Variants in ZNF426 observed in about 807,000 individuals in gnomAD.
ZNF426 encodes zinc finger protein 426.
ZNF426 carries 23 observed loss-of-function variants against 24.0 expected under a neutral mutation model. The observed-to-expected ratio is 0.96, with a 90% CI of 0.69 to 1.36. The LOEUF is 1.36. Among genes scored for constraint, ZNF426 ranks in the 40% most tolerant of loss-of-function variants. The pLI is 0.00. For synonymous variants in ZNF426, 272 were observed against 224.6 expected (o/e 1.21, Z -1.89); for missense variants, 646 against 658.4 (o/e 0.98, Z 0.21).
At chr19:9,535,157 C>T (rs756903158) in intron 4 of ZNF426, 31 bp downstream of exon 4, 1 of 1,549,354 alleles carries the variant, frequency 6.5e-7, no homozygotes, top group Non-Finnish European at 8.8e-7. Flanking sequence ...GCAAGTATGT[C>T]ACTATGTATA....
Position 9,528,278 on chromosome 19 carries a change from T to A in ZNF426, c.*102A>T. 7.9e-7 allele frequency: 1 copy of A among 1,258,974 alleles called. No homozygotes were observed. Among genetic ancestry groups the A allele is most frequent in the Non-Finnish European group, 1.1e-6 (1 of 917,646 alleles). 78.0% of individuals were successfully genotyped at this position (1,258,974 alleles called of 1,614,324 possible). On this transcript the variant is annotated 3_prime_UTR_variant, in exon 8 of 8. Transcript: ENST00000253115. ...GCTGGGATTACAGGAATTAAGTAATTTTCATGCAGCTTCTTCTCTCCAGAG... is the reference window on the plus strand; with the variant it reads ...GCTGGGATTACAGGAATTAAGTAATATTCATGCAGCTTCTTCTCTCCAGAG...
chr19:9,535,077 C>CA (rs35638085), intron 4 of ZNF426, 111 bp downstream of exon 4: 26,026 of 414,934 alleles, frequency 0.063, 395 homozygotes, highest in African/African-American at 0.14. Context: ...GACTCCCTCT[C>CA]AAAAAAAAAA....
chr19:9,536,960 C>T (rs1199579284), intron 2 of ZNF426, among the ~76,000 whole-genome samples: 1 of 151,992 alleles, frequency 6.6e-6, no homozygotes, highest in Non-Finnish European at 1.5e-5. Context: ...CGGTGAAACT[C>T]CATCTCTACT....
rs773476483 is a variant in ZNF426, at chr19:9,536,344, G to T, written c.-112C>A. On this transcript the variant is annotated 5_prime_UTR_variant, in exon 3 of 8. Coordinates refer to ENST00000253115, the MANE Select transcript of ZNF426 (RefSeq NM_024106.3). ...CAATCTCCATTCCTCTTTAAACAGG[G>T]TTATTGGGATTCCTGTTGGTATTAA... 5 of 1,603,060 alleles carry T rather than the reference G, an allele frequency of 3.1e-6. No individual in the cohort carries two copies. The East Asian group carries it at 9.0e-5, about 29-fold the overall frequency.
Position 9,527,903 on chromosome 19 carries a change from C to T in ZNF426, c.*477G>A, listed in dbSNP as rs1363321878. On this transcript the variant is annotated 3_prime_UTR_variant, in exon 8 of 8. Transcript: ENST00000253115. Reference sequence around the variant, plus strand: ...TCACATCATCTTCTATTTGTTGTCTCAGTTGTGTCTTTCTCTTCTTATAGG... The same window carrying T: ...TCACATCATCTTCTATTTGTTGTCTTAGTTGTGTCTTTCTCTTCTTATAGG... 3 of 153,344 alleles carry T rather than the reference C, an allele frequency of 2.0e-5. No individual in the cohort carries two copies. The highest frequency in any genetic ancestry group is 4.4e-5 in the Non-Finnish European group (3 of 68,952). The allele number at this position is 153,344 out of a possible 1,614,324, so 9.5% of individuals were successfully genotyped here. A position where few individuals can be genotyped will look rare whatever the true frequency, so the allele number is the denominator to read the frequency against.
At position 9,525,756 on chromosome 19, in the gene ZNF426, G is replaced by C. The variant is rs1319886340; in HGVS notation, c.*2624C>G. The C allele has an allele frequency of 6.6e-6, 1 of 151,856 alleles. No homozygotes were observed. Among genetic ancestry groups the C allele is most frequent in the Admixed American group, 6.6e-5 (1 of 15,218 alleles). The allele number at this position is 151,856 out of a possible 1,614,324, so 9.4% of individuals were successfully genotyped here. ...CCCACCTCTGCCTCCCAAAGTGCTG[G>C]GATTACAGGGTTGAGCCACTGCGCC... On this transcript the variant is annotated 3_prime_UTR_variant, in exon 8 of 8. Coordinates refer to ENST00000253115, the MANE Select transcript of ZNF426 (RefSeq NM_024106.3).
At chr19:9,537,812 G>C (rs115693055) in intron 2 of ZNF426, among the ~76,000 whole-genome samples, 3 of 151,898 alleles carry the variant, frequency 2.0e-5, no homozygotes, top group South Asian at 2.1e-4. Flanking sequence ...CACCACGCTC[G>C]GCTAATTTTT....
Position 9,534,038 on chromosome 19 carries a change from G to A in ZNF426, c.118-72C>T, listed in dbSNP as rs568271609. ...CAGCGTTCGCTGGAGGATGAGGAAGGGGGACCCAATGCCTATGCAGGATTC... is the reference window on the plus strand; with the variant it reads ...CAGCGTTCGCTGGAGGATGAGGAAGAGGGACCCAATGCCTATGCAGGATTC... On this transcript the variant is annotated intron_variant, in intron 4 of 7. Coordinates refer to ENST00000253115, the MANE Select transcript of ZNF426 (RefSeq NM_024106.3). 35 of 1,573,688 alleles carry A rather than the reference G, an allele frequency of 2.2e-5. No homozygotes were observed. The South Asian group carries it at 3.9e-4, about 18-fold the overall frequency.
At chr19:9,530,396 G>T (rs2073865270) in intron 7 of ZNF426, among the ~76,000 whole-genome samples, 3 of 151,130 alleles carry the variant, frequency 2.0e-5, no homozygotes, top group Admixed American at 2.0e-4. Flanking sequence ...CAAGGCTTCA[G>T]TGAGCCATGT....
chr19:9,532,803 T>C (rs1220768570), intron 6 of ZNF426, 42 bp downstream of exon 6: 1 of 1,473,380 alleles, frequency 6.8e-7, no homozygotes, highest in Non-Finnish European at 9.5e-7. Flanking sequence ...TCAAACATAC[T>C]GAACTTCTCA....
At position 9,526,432 on chromosome 19, in the gene ZNF426, T is replaced by C. The variant is rs2073792527; in HGVS notation, c.*1948A>G. ...AGTGTAAACACAGAGATGGAAATTC[T>C]AAGAACCACAAAGAAATGCTAGAAA... On this transcript the variant is annotated 3_prime_UTR_variant, in exon 8 of 8. Coordinates refer to ENST00000253115, the MANE Select transcript of ZNF426 (RefSeq NM_024106.3). The C allele has an allele frequency of 6.6e-6, 1 of 151,994 alleles. No homozygotes were observed. The highest frequency in any genetic ancestry group is 2.4e-5 in the African/African-American group (1 of 41,376). The allele number at this position is 151,994 out of a possible 1,614,324, so 9.4% of individuals were successfully genotyped here. A position where few individuals can be genotyped will look rare whatever the true frequency, so the allele number is the denominator to read the frequency against.
At position 9,535,222 on chromosome 19, in the gene ZNF426, C is replaced by T. The variant is rs1198881831; in HGVS notation, c.83G>A (p.Arg28Lys). The T allele has an allele frequency of 2.5e-6, 4 of 1,613,010 alleles. No individual in the cohort carries two copies. The highest frequency in any genetic ancestry group is 2.7e-5 in the African/African-American group (2 of 74,874). Reference protein sequence around the residue: ...CLHEEKTPAGRIVADCLTDCY... With the variant: ...CLHEEKTPAGKIVADCLTDCY... ...ATCTGTTAGGCAGTCAGCCACTATT[C>T]TTCCTGCTGGTGTCTTTTCTTCATG... Residue 28 changes from arginine to lysine, a missense_variant, in exon 4 of 8, where the codon AGA becomes AAA. Physicochemically the swap from Arg to Lys is conservative, Grantham distance 26 (BLOSUM62 2). Coordinates refer to ENST00000253115, the MANE Select transcript of ZNF426 (RefSeq NM_024106.3).
chr19:9,537,622 A>G (rs746739183), intron 2 of ZNF426, among the ~76,000 whole-genome samples: 9 of 151,610 alleles, frequency 5.9e-5, no homozygotes, highest in Admixed American at 1.3e-4. Context: ...TATACAATCA[A>G]TGTAGCTTAA....
chr19:9,528,319 C>A lies in ZNF426; in HGVS notation c.*61G>T. 1 of 1,479,748 alleles carries A rather than the reference C, an allele frequency of 6.8e-7. No homozygotes were observed. The highest frequency in any genetic ancestry group is 1.4e-5 in the South Asian group (1 of 73,648). 91.7% of individuals were successfully genotyped at this position (1,479,748 alleles called of 1,614,324 possible). A position where few individuals can be genotyped will look rare whatever the true frequency, so the allele number is the denominator to read the frequency against. ...CTCTCCAGAGTGAGTTCATTCATGT[C>A]TTTAAAGTGAACTGGAACAAATGAG... On this transcript the variant is annotated 3_prime_UTR_variant, in exon 8 of 8. Coordinates refer to ENST00000253115, the MANE Select transcript of ZNF426 (RefSeq NM_024106.3).
In ZNF426 at chr19:9,523,674, TC is replaced by T. The variant is rs1263733801; in HGVS notation, c.*4705del. The T allele has an allele frequency of 6.6e-6, 1 of 152,208 alleles. No homozygotes were observed. Among genetic ancestry groups the T allele is most frequent in the Admixed American group, 6.5e-5 (1 of 15,286 alleles). 9.4% of individuals were successfully genotyped at this position (152,208 alleles called of 1,614,324 possible). A position where few individuals can be genotyped will look rare whatever the true frequency, so the allele number is the denominator to read the frequency against. On this transcript the variant is annotated 3_prime_UTR_variant, in exon 8 of 8. Transcript: ENST00000253115. ...GGACTGGAGTTGGGGATTAAACTGT[TC>T]CAGTTCAGATCATCAGGCATTAGAT...
In ZNF426 at chr19:9,528,731, G is replaced by A. The variant is rs1470418949; in HGVS notation, c.1314C>T (p.His438=). The A allele has an allele frequency of 1.9e-6, 3 of 1,614,070 alleles. No individual in the cohort carries two copies. The South Asian group carries it at 3.3e-5, about 18-fold the overall frequency. The change falls in exon 8 of 8, where the codon CAC becomes CAT. Residue 438 remains histidine, a synonymous_variant. Coordinates refer to ENST00000253115, the MANE Select transcript of ZNF426 (RefSeq NM_024106.3). Reference sequence around the variant, plus strand: ...GTTTCTGGGCACTGTGCGTTCGCATGTGATTATTAAGACATGAGGGATACC... The same window carrying A: ...GTTTCTGGGCACTGTGCGTTCGCATATGATTATTAAGACATGAGGGATACC... The part of the protein sequence containing the change: ...VFGYPSCLNN[H]MRTHSAQKPY...
intron 1 of ZNF426, 31 bp from the exon 2 acceptor site, chr19:9,538,376 T>C (rs1371520587): frequency 6.6e-6 from 1 of 152,154 alleles, no homozygotes; most frequent in Admixed American, 6.5e-5. Context: ...AACGCTGCTT[T>C]GGAGGCCTTT....
Position 9,528,680 on chromosome 19 carries a change from CT to C in ZNF426, c.1364del (p.Lys455ArgfsTer107). 6.2e-7 allele frequency: 1 copy of C among 1,613,830 alleles called. No homozygotes were observed. Among genetic ancestry groups the C allele is most frequent in the Non-Finnish European group, 8.5e-7 (1 of 1,179,936 alleles). ...QKPYTCKECG[K>X]AFNYSTHLKI... ...TAAGGTGGGTGGAATAGTTAAAAGCCTTCCCACATTCCTTACAGGTGTATGG... is the reference window on the plus strand; with the variant it reads ...TAAGGTGGGTGGAATAGTTAAAAGCCTCCCACATTCCTTACAGGTGTATGG... On this transcript the variant is annotated frameshift_variant, in exon 8 of 8. Transcript: ENST00000253115. LOFTEE classifies it low-confidence loss of function (END_TRUNC).
At chr19:9,535,112 C>A in intron 4 of ZNF426, 76 bp downstream of exon 4, 83 of 867,776 alleles carry the variant, frequency 9.6e-5, no homozygotes, top group Middle Eastern at 2.9e-4. Flanking sequence ...CTGGAGACAA[C>A]TCTGCCTAGA....
Sources: gnomAD v4.1 joint callset for allele counts (sites outside exome capture counted in the v4.1 genomes callset) on GRCh38, gnomAD v4.1.1 for gene constraint, MANE v1.5 for transcripts, NCBI Gene and HGNC (gene_info 2026-07-23, HGNC 2026-07-21) for gene names.